PLEKHD1: variants seen among roughly 807,000 people sequenced by gnomAD.
PLEKHD1 encodes the protein pleckstrin homology and coiled-coil domain containing D1, also known as pleckstrin homology domain-containing family D member 1.
In PLEKHD1, 51 loss-of-function variants were observed where a neutral mutation model predicts 69.2. The ratio of observed to expected loss-of-function variants is 0.74; its 90% CI spans 0.59 to 0.93. The LOEUF (loss-of-function observed/expected upper bound fraction) is 0.93. PLEKHD1 is among the 40% of genes least tolerant of loss of function. The probability of loss-of-function intolerance (pLI) is 0.00; values close to 1 mark genes in which losing one functional copy is unlikely to be tolerated. For synonymous variants in PLEKHD1, 236 were observed against 244.7 expected (o/e 0.96, Z 0.33); for missense variants, 584 against 641.0 (o/e 0.91, Z 0.96).
chr14:69,498,096 ATTT>A (rs1283403109), intron 1 of PLEKHD1, among the ~76,000 whole-genome samples: 41 of 140,952 alleles, frequency 2.9e-4, no homozygotes, highest in South Asian at 4.3e-4. Flanking sequence ...ATTTTATTTT[ATTT>A]TATTTTAGAG....
chr14:69,526,039 C>G lies in PLEKHD1; in HGVS notation c.840C>G (p.Pro280=), dbSNP rs1305474523. The G allele has an allele frequency of 3.2e-6, 5 of 1,551,342 alleles. No homozygotes were observed. Among genetic ancestry groups the G allele is most frequent in the Non-Finnish European group, 3.5e-6 (4 of 1,146,790 alleles). ...TLANQSEQPP[P]SGGLHSNLRQ... The stretch of plus-strand genomic sequence containing the variant: ...CCAATCAGAGTGAGCAGCCCCCTCC[C>G]AGTGGGGGCCTCCATAGCAACCTCC... Residue 280 remains proline, a synonymous_variant, in exon 9 of 13, where the codon CCC becomes CCG. Coordinates refer to ENST00000322564, the MANE Select transcript of PLEKHD1 (RefSeq NM_001161498.2).
At chr14:69,504,043 G>A (rs1400035507) in intron 6 of PLEKHD1, among the ~76,000 whole-genome samples, 1 of 152,152 alleles carries the variant, frequency 6.6e-6, no homozygotes, top group Non-Finnish European at 1.5e-5. Flanking sequence ...CCTCAGGCAA[G>A]TTATTTAACT....
chr14:69,497,833 C>A (rs1416689505), intron 1 of PLEKHD1, among the ~76,000 whole-genome samples: 2 of 152,028 alleles, frequency 1.3e-5, no homozygotes, highest in Non-Finnish European at 2.9e-5. Flanking sequence ...GGGTATCAAC[C>A]CTGAGCAGGG....
chr14:69,499,969 G>A, intron 1 of PLEKHD1, 146 bp from the exon 2 acceptor site: 1 of 630,840 alleles, frequency 1.6e-6, no homozygotes, highest in South Asian at 2.0e-5. Context: ...TTGTGAGGGT[G>A]TGGAGCTTGA....
Position 69,484,919 on chromosome 14 carries a change from C to G in PLEKHD1, c.-47C>G. 7 of 1,538,086 alleles carry G rather than the reference C, an allele frequency of 4.6e-6. No homozygotes were observed. The highest frequency in any genetic ancestry group is 6.1e-6 in the Non-Finnish European group (7 of 1,138,504). ...GCCTCTCGCCCCGAGTCCCTGCTGA[C>G]CCCGGGGAGGTGGGGTCCGGGCCGG... is the stretch of plus-strand genomic sequence containing the variant. On this transcript the variant is annotated 5_prime_UTR_variant, in exon 1 of 13. Coordinates refer to ENST00000322564, the MANE Select transcript of PLEKHD1 (RefSeq NM_001161498.2).
In PLEKHD1 at chr14:69,484,816, G is replaced by A; in HGVS notation, c.-150G>A. ...CTTGGTGCCGCGTCCAGTGCCCAGC[G>A]CGCTTTGATGCTGCAGCTCCGGGCC... On this transcript the variant is annotated 5_prime_UTR_variant, in exon 1 of 13. Transcript: ENST00000322564. 1.1e-6 allele frequency: 1 copy of A among 901,160 alleles called. No homozygotes were observed. The allele number at this position is 901,160 out of a possible 1,614,324, so 55.8% of individuals were successfully genotyped here. A position where few individuals can be genotyped will look rare whatever the true frequency, so the allele number is the denominator to read the frequency against.
upstream of PLEKHD1, among the ~76,000 whole-genome samples, chr14:69,483,715 G>T (rs1237229897): frequency 1.3e-5 from 2 of 152,290 alleles, no homozygotes; most frequent in African/African-American, 4.8e-5. Flanking sequence ...ACTTCCAGAG[G>T]CGTCCTTGGC....
upstream of PLEKHD1, among the ~76,000 whole-genome samples, chr14:69,479,851 A>AC (rs770546109): frequency 6.0e-5 from 9 of 151,008 alleles, no homozygotes; most frequent in Non-Finnish European, 1.2e-4. Flanking sequence ...TACGTTCCCA[A>AC]CCCCCCCGCC....
intron 6 of PLEKHD1, among the ~76,000 whole-genome samples, chr14:69,520,671 G>A (rs1403867443): frequency 2.0e-5 from 3 of 152,292 alleles, no homozygotes; most frequent in Non-Finnish European, 1.5e-5. Context: ...AGAGGTTGCA[G>A]TGAGCCGAGA....
chr14:69,472,498 G>A, the PLEKHD1 span, among the ~76,000 whole-genome samples: 2 of 152,130 alleles, frequency 1.3e-5, no homozygotes, highest in Non-Finnish European at 1.5e-5. Context: ...GTTAATCACC[G>A]TGTCATGTGC....
chr14:69,521,185 G>C (rs535391391), intron 6 of PLEKHD1, among the ~76,000 whole-genome samples: 6 of 152,212 alleles, frequency 3.9e-5, no homozygotes, highest in Admixed American at 6.5e-5. Flanking sequence ...AGCAGTCTTG[G>C]TGGTGACAAC....
chr14:69,496,480 T>A (rs1354530697), intron 1 of PLEKHD1, among the ~76,000 whole-genome samples: 5 of 152,086 alleles, frequency 3.3e-5, no homozygotes, highest in African/African-American at 4.8e-5. Flanking sequence ...ACCTTCTCAA[T>A]ATGTCCCCAC....
In PLEKHD1 at chr14:69,484,738, C is replaced by T. The variant is rs1024451533; in HGVS notation, c.-228C>T. On this transcript the variant is annotated 5_prime_UTR_variant, in exon 1 of 13. Transcript: ENST00000322564. ...AGCCACCCTCCCCGCGGAGTTCCCG[C>T]CCGGCCCTCTGCAATCCGGAGCCCA... is the stretch of plus-strand genomic sequence containing the variant. The T allele has an allele frequency of 1.0e-5, 5 of 497,114 alleles. No homozygotes were observed. In the African/African-American group the frequency reaches 1.0e-4, roughly 10 times the overall value. The allele number at this position is 497,114 out of a possible 1,614,324, so 30.8% of individuals were successfully genotyped here.
chr14:69,485,716 G>T (rs754656430), intron 1 of PLEKHD1, among the ~76,000 whole-genome samples: 1 of 152,208 alleles, frequency 6.6e-6, no homozygotes, highest in Non-Finnish European at 1.5e-5. Flanking sequence ...GTGAGCACAG[G>T]GAAGAGAGAT....
chr14:69,499,225 GCACACACA>G (rs10551303), intron 1 of PLEKHD1, among the ~76,000 whole-genome samples: 22,404 of 144,310 alleles, frequency 0.16, 1,709 homozygotes, highest in African/African-American at 0.19. Context: ...TCTCATACGT[GCACACACA>G]CACACACACA....
At chr14:69,501,098 G>T (rs1447325004) in intron 4 of PLEKHD1, 151 bp downstream of exon 4, 4 of 777,802 alleles carry the variant, frequency 5.1e-6, no homozygotes, top group Non-Finnish European at 8.4e-6. Flanking sequence ...AGACAGGCCA[G>T]GTTTTAGAGC....
At chr14:69,487,223 A>G (rs1352287353) in intron 1 of PLEKHD1, among the ~76,000 whole-genome samples, 3 of 149,612 alleles carry the variant, frequency 2.0e-5, no homozygotes, top group East Asian at 4.0e-4. Flanking sequence ...ACACACACAC[A>G]CGCTATTTAG....
intron 6 of PLEKHD1, among the ~76,000 whole-genome samples, chr14:69,513,414 G>C (rs542019201): frequency 2.6e-5 from 4 of 152,256 alleles, no homozygotes; most frequent in East Asian, 3.9e-4. Flanking sequence ...ATAGGAATCG[G>C]AAGTGAGGTA....
the PLEKHD1 span, among the ~76,000 whole-genome samples, chr14:69,473,780 CT>C: frequency 1.3e-5 from 2 of 152,134 alleles, no homozygotes; most frequent in African/African-American, 4.8e-5. Flanking sequence ...AGATTGGGGT[CT>C]TCGAGGAAGC....
Sources: allele counts gnomAD v4.1 joint callset (sites outside exome capture counted in the v4.1 genomes callset), GRCh38; gene constraint gnomAD v4.1.1; transcripts MANE v1.5; gene names NCBI Gene and HGNC (gene_info 2026-07-23, HGNC 2026-07-21).